Variants in HMCN1 observed in about 807,000 individuals in gnomAD.
The protein encoded by HMCN1 is hemicentin 1.
HMCN1 carries 321 observed loss-of-function variants against 625.9 expected under a neutral mutation model. The observed-to-expected ratio is 0.51, with a 90% CI of 0.47 to 0.56. The LOEUF is 0.56. Among genes scored for constraint, HMCN1 ranks in the 20% least tolerant of loss-of-function variants. The pLI is 0.00. For missense variants in HMCN1, 6,588 were observed against 6,887.3 expected (o/e 0.96, Z 1.54); for synonymous variants, 2,425 against 2,417.6 (o/e 1.00, Z -0.09).
intron 1 of HMCN1, among the ~76,000 whole-genome samples, chr1:185,755,046 T>C (rs931688512): frequency 6.6e-6 from 1 of 152,150 alleles, no homozygotes; most frequent in African/African-American, 2.4e-5. Context: ...GTTAAATTAA[T>C]TAATATATAA....
chr1:186,177,589 T>C (rs188220696), intron 103 of HMCN1, among the ~76,000 whole-genome samples: 2 of 152,280 alleles, frequency 1.3e-5, no homozygotes, highest in East Asian at 1.9e-4. Flanking sequence ...TGTGGAGAAT[T>C]AGGAGGGCAA....
At chr1:185,989,353 A>T in intron 20 of HMCN1, 135 bp from the exon 21 acceptor site, 1 of 1,016,912 alleles carries the variant, frequency 9.8e-7, no homozygotes, top group Non-Finnish European at 1.5e-6. Flanking sequence ...TCAAGTTAGC[A>T]TTTTAAAATT....
At chr1:185,948,368 C>G (rs75549579) in intron 11 of HMCN1, among the ~76,000 whole-genome samples, 1 of 150,910 alleles carries the variant, frequency 6.6e-6, no homozygotes, top group East Asian at 1.9e-4. Context: ...GGGCTGAGTC[C>G]GAAAAGAGAG....
chr1:186,167,508 T>C (rs1651954156), intron 100 of HMCN1, among the ~76,000 whole-genome samples: 1 of 152,226 alleles, frequency 6.6e-6, no homozygotes, highest in African/African-American at 2.4e-5. Context: ...ACTCAGAGTC[T>C]AGCTTAGATT....
chr1:185,998,614 C>T (rs1652967405), intron 25 of HMCN1, among the ~76,000 whole-genome samples: 1 of 152,074 alleles, frequency 6.6e-6, no homozygotes, highest in Non-Finnish European at 1.5e-5. Context: ...CACTGGATTC[C>T]TGACTCCCAA....
chr1:186,161,797 G>A (rs1651501697), intron 97 of HMCN1, among the ~76,000 whole-genome samples: 2 of 152,194 alleles, frequency 1.3e-5, no homozygotes, highest in Admixed American at 6.5e-5. Flanking sequence ...TCCGCTGTTA[G>A]TCTGATGGGC....
rs371753121 is a variant in HMCN1, at chr1:186,089,358, GT to G, written c.9727+605del. On this transcript the variant is annotated intron_variant, in intron 63 of 106. Transcript: ENST00000271588. Reference sequence around the variant, plus strand: ...AAATGAAAGTCTAACTTGAAACTAAGTTGAAATACTTTTTCTTCCAATCTTA... The same window carrying G: ...AAATGAAAGTCTAACTTGAAACTAAGTGAAATACTTTTTCTTCCAATCTTA... Among the ~76,000 whole-genome samples, 33 of 152,108 alleles carry G rather than the reference GT, an allele frequency of 2.2e-4. No homozygotes were observed. The East Asian group carries it at 6.2e-3, about 29-fold the overall frequency.
chr1:185,877,477 A>AT lies in HMCN1; in HGVS notation c.621+11622dup, dbSNP rs1156428169. On this transcript the variant is annotated intron_variant, in intron 4 of 106. Transcript: ENST00000271588. ...TTTTTGGTTCAATATTAATTTCAGG[A>AT]TTTTTTTTCTAATTCTGTGAAAAAC... Among the ~76,000 whole-genome samples the AT allele has an allele frequency of 3.3e-5, 5 of 149,848 alleles. No homozygotes were observed. The East Asian group carries it at 7.8e-4, about 24-fold the overall frequency.
chr1:185,831,361 C>T (rs924780525), intron 1 of HMCN1, among the ~76,000 whole-genome samples: 1 of 152,036 alleles, frequency 6.6e-6, no homozygotes, highest in African/African-American at 2.4e-5. Flanking sequence ...ATAAAAACCC[C>T]AAATCTATTA....
chr1:185,838,612 A>G (rs946725614), intron 1 of HMCN1, among the ~76,000 whole-genome samples: 9 of 152,306 alleles, frequency 5.9e-5, no homozygotes, highest in Non-Finnish European at 7.4e-5. Context: ...GCCAAGGTCA[A>G]TCATCCCATT....
chr1:185,764,644 T>G lies in HMCN1; in HGVS notation c.268+29597T>G, dbSNP rs1367293635. 2.6e-5 allele frequency among the ~76,000 whole-genome samples: 4 copies of G among 152,292 alleles called. No homozygotes were observed. In the East Asian group the frequency reaches 7.7e-4, roughly 29 times the overall value. On this transcript the variant is annotated intron_variant, in intron 1 of 106. Transcript: ENST00000271588. ...TACTGGATCTTTATCCTTGGATGGA[T>G]AAGTTTCTTCCTGGTCTCTTATTAA...
At chr1:186,097,631 C>A (rs907048314) in intron 68 of HMCN1, among the ~76,000 whole-genome samples, 1 of 151,756 alleles carries the variant, frequency 6.6e-6, no homozygotes, top group South Asian at 2.1e-4. Context: ...GCTATACTCC[C>A]AAAACAATCA....
In HMCN1 at chr1:186,174,588, CGTT is replaced by C; in HGVS notation, c.15892_15894del (p.Cys5298del). On this transcript the variant is annotated inframe_deletion, in exon 103 of 107. Coordinates refer to ENST00000271588, the MANE Select transcript of HMCN1 (RefSeq NM_031935.3). Reference sequence around the variant, plus strand: ...ATGTGAGAATACAAGAGGCAGCTATCGTTGTGTATGCCCAAGAGGTTATCGGTC... The same window carrying C: ...ATGTGAGAATACAAGAGGCAGCTATCGTGTATGCCCAAGAGGTTATCGGTC... The C allele has an allele frequency of 6.2e-7, 1 of 1,613,854 alleles. No individual in the cohort carries two copies. The highest frequency in any genetic ancestry group is 8.5e-7 in the Non-Finnish European group (1 of 1,179,780).
intron 81 of HMCN1, 145 bp from the exon 82 acceptor site, chr1:186,125,459 C>A (rs1037176442): frequency 1.5e-6 from 1 of 662,216 alleles, no homozygotes; most frequent in Non-Finnish European, 2.7e-6. Context: ...TAGCAGGAAG[C>A]AAATCAATAT....
intron 1 of HMCN1, among the ~76,000 whole-genome samples, chr1:185,777,835 C>T (rs950547460): frequency 2.0e-5 from 3 of 152,332 alleles, no homozygotes; most frequent in South Asian, 2.1e-4. Flanking sequence ...TGAAATCTTG[C>T]TTCCATCCTT....
chr1:186,121,554 G>GTAGA (rs1236339343), intron 80 of HMCN1, among the ~76,000 whole-genome samples: 36 of 152,190 alleles, frequency 2.4e-4, no homozygotes, highest in Non-Finnish European at 1.2e-4. Flanking sequence ...AAGCTAGTGA[G>GTAGA]TAGATGATAG....
chr1:186,084,562 C>T (rs1659361744), intron 57 of HMCN1, among the ~76,000 whole-genome samples: 20 of 152,146 alleles, frequency 1.3e-4, no homozygotes, highest in Admixed American at 1.2e-3. Context: ...TACAACTCTG[C>T]TTGCTTCTTT....
chr1:185,811,701 G>A (rs1011701897), intron 1 of HMCN1, among the ~76,000 whole-genome samples: 3 of 151,232 alleles, frequency 2.0e-5, no homozygotes, highest in Non-Finnish European at 4.4e-5. Context: ...AGAAAGAAAA[G>A]GCAGTCTTAT....
intron 1 of HMCN1, among the ~76,000 whole-genome samples, chr1:185,771,607 T>C (rs999752509): frequency 3.3e-5 from 5 of 152,220 alleles, no homozygotes; most frequent in Admixed American, 3.3e-4. Context: ...ATTTTTCAGA[T>C]GATATGGCCA....
Sources: allele counts gnomAD v4.1 joint callset (sites outside exome capture counted in the v4.1 genomes callset), GRCh38; gene constraint gnomAD v4.1.1; transcripts MANE v1.5; gene names NCBI Gene and HGNC (gene_info 2026-07-23, HGNC 2026-07-21).